The following BEND2 variants were observed in gnomAD, a reference collection of about 807,000 sequenced individuals.
The protein encoded by BEND2 is BEN domain containing 2.
A neutral mutation model predicts 43.8 loss-of-function variants in BEND2; 19 were observed. The ratio of observed to expected loss-of-function variants is 0.43; its 90% CI spans 0.30 to 0.64. The LOEUF (loss-of-function observed/expected upper bound fraction) is 0.64, where lower values mean the gene tolerates loss of function less well. Ranked by LOEUF, BEND2 falls within the 30% of genes least tolerant of loss-of-function variation. The pLI, the probability that BEND2 is intolerant of heterozygous loss-of-function variation, is 0.11. For synonymous variants in BEND2, 226 were observed against 210.1 expected (o/e 1.08, Z -0.66); for missense variants, 544 against 574.0 (o/e 0.95, Z 0.53).
chrX:18,176,197 A>C, intron 10 of BEND2, 104 bp from the exon 11 acceptor site: 1 of 669,206 alleles, frequency 1.5e-6, no homozygotes. Context: ...TACATTGTGT[A>C]ATGGTGAGCA....
At chrX:18,198,294 A>T (rs1454769524) in intron 6 of BEND2, among the ~76,000 whole-genome samples, 1 of 110,195 alleles carries the variant, frequency 9.1e-6, no homozygotes, top group African/African-American at 3.3e-5. Context: ...AATTTTCGCA[A>T]CCTACTCATC....
intron 6 of BEND2, among the ~76,000 whole-genome samples, chrX:18,201,350 C>T (rs1158131084): frequency 1.2e-5 from 1 of 80,529 alleles, no homozygotes; most frequent in Non-Finnish European, 2.3e-5. Flanking sequence ...GAGCCGAGAT[C>T]GCACCATTGT....
intron 12 of BEND2, among the ~76,000 whole-genome samples, chrX:18,172,110 AATT>A (rs1923994926): frequency 1.8e-5 from 2 of 110,987 alleles, no homozygotes; most frequent in Admixed American, 1.9e-4. Flanking sequence ...TACATATAAT[AATT>A]ATTTGTTAAA....
At chrX:18,195,564 A>G (rs770136843) in intron 6 of BEND2, 122 bp from the exon 7 acceptor site, 7 of 675,178 alleles carry the variant, frequency 1.0e-5, no homozygotes, top group Non-Finnish European at 1.5e-5. Context: ...TCCCTAGCCG[A>G]CTTATCCATA....
intron 13 of BEND2, among the ~76,000 whole-genome samples, chrX:18,170,719 GT>G (rs971760695): frequency 3.6e-5 from 4 of 112,215 alleles, no homozygotes; most frequent in African/African-American, 1.3e-4. Context: ...GGTGTTTTGA[GT>G]TTCCATACCC....
At position 18,163,752 on chromosome X, in the gene BEND2, ACTTTT is replaced by A. The variant is rs1015132128; in HGVS notation, c.*1252_*1256del. ...TTCTTCTTGCCTAGGGTCGAACTGTACTTTTCTTTTAAAAAAATTTTATTTTTAAT... is the reference window on the plus strand; with the variant it reads ...TTCTTCTTGCCTAGGGTCGAACTGTACTTTTAAAAAAATTTTATTTTTAAT... On this transcript the variant is annotated 3_prime_UTR_variant, in exon 14 of 14. Transcript: ENST00000380033. The A allele has an allele frequency of 1.8e-4, 20 of 112,268 alleles. No individual in the cohort carries two copies. Among genetic ancestry groups the A allele is most frequent in the African/African-American group, 6.5e-4 (20 of 30,937 alleles). 9.3% of individuals were successfully genotyped at this position (112,268 alleles called of 1,213,427 possible). A position where few individuals can be genotyped will look rare whatever the true frequency, so the allele number is the denominator to read the frequency against.
At chrX:18,220,607 C>T in intron 1 of BEND2, 119 bp downstream of exon 1, 1 of 1,035,227 alleles carries the variant, frequency 9.7e-7, no homozygotes. Flanking sequence ...CCGACACGCC[C>T]CGGTCAATGA....
At chrX:18,190,036 C>T (rs185158296) in intron 8 of BEND2, among the ~76,000 whole-genome samples, 14 of 101,232 alleles carry the variant, frequency 1.4e-4, no homozygotes, top group African/African-American at 3.4e-4. Context: ...GGTGACAGAC[C>T]GAGACTCTAT....
Position 18,176,368 on chromosome X carries a change from C to A in BEND2, c.1631-275G>T, listed in dbSNP as rs866978122. On this transcript the variant is annotated intron_variant, in intron 10 of 13. Transcript: ENST00000380033. ...AAGCTAATATTGAGCTCTTGGTGCT[C>A]AAAAAAAAAAAAAAAAAAAAAGTGT... 7.4e-3 allele frequency among the ~76,000 whole-genome samples: 428 copies of A among 57,706 alleles called. No individual in the cohort carries two copies. Among genetic ancestry groups the A allele is most frequent in the Admixed American group, 0.013 (51 of 4,026 alleles). The allele number at this position is 57,706 out of a possible 115,157, so 50.1% of individuals were successfully genotyped here.
Position 18,191,157 on chromosome X carries a change from G to T in BEND2, c.1181-49C>A, listed in dbSNP as rs769966658. 9.4e-6 allele frequency: 9 copies of T among 954,182 alleles called. No individual in the cohort carries two copies. In the South Asian group the frequency reaches 2.2e-4, roughly 23 times the overall value. 78.6% of individuals were successfully genotyped at this position (954,182 alleles called of 1,213,427 possible). ...TGTAAAACATTTTGCAGTGCTGAAA[G>T]ACAAGAAATCTCAACCATGTTTTTT... On this transcript the variant is annotated intron_variant, in intron 7 of 13. Transcript: ENST00000380033.
intron 8 of BEND2, among the ~76,000 whole-genome samples, chrX:18,188,244 G>T (rs1924637092): frequency 9.0e-6 from 1 of 110,714 alleles, no homozygotes; most frequent in African/African-American, 3.3e-5. Context: ...TGAAAGAAAA[G>T]GTTGCTTTTC....
Position 18,189,894 on chromosome X carries a change from C to A in BEND2, c.1288+1107G>T, listed in dbSNP as rs759976315. On this transcript the variant is annotated intron_variant, in intron 8 of 13. Transcript: ENST00000380033. ...AAACCCAGTCTCTACTAAAAAAATA[C>A]AAAAAATTAGCCGAGCATGGTGGCA... Among the ~76,000 whole-genome samples, 92 of 109,740 alleles carry A rather than the reference C, an allele frequency of 8.4e-4. No homozygotes were observed. The Middle Eastern group carries it at 0.019, about 22-fold the overall frequency.
intron 7 of BEND2, among the ~76,000 whole-genome samples, chrX:18,193,294 G>C (rs1481280782): frequency 9.1e-6 from 1 of 109,614 alleles, no homozygotes; most frequent in African/African-American, 3.3e-5. Context: ...CTCCAGCCTG[G>C]GCGACAGACA....
chrX:18,212,759 T>G (rs1029227540), intron 3 of BEND2, 79 bp from the exon 4 acceptor site: 6 of 629,456 alleles, frequency 9.5e-6, no homozygotes, highest in Admixed American at 9.0e-5. Context: ...CTCAGAATGC[T>G]AACTCAAATT....
At chrX:18,176,126 GA>G (rs746626350) in intron 10 of BEND2, 33 bp from the exon 11 acceptor site, 37 of 1,147,706 alleles carry the variant, frequency 3.2e-5, no homozygotes, top group Middle Eastern at 2.5e-4. Context: ...ACGAAAATTA[GA>G]AAAAAAAATT....
intron 4 of BEND2, among the ~76,000 whole-genome samples, chrX:18,208,432 G>A (rs1473666574): frequency 9.0e-6 from 1 of 110,962 alleles, no homozygotes; most frequent in East Asian, 2.8e-4. Flanking sequence ...GTTGCAGTGA[G>A]CCAAGATTGC....
At chrX:18,178,356 A>G (rs193218172) in intron 9 of BEND2, among the ~76,000 whole-genome samples, 30 of 111,291 alleles carry the variant, frequency 2.7e-4, no homozygotes, top group African/African-American at 9.1e-4. Flanking sequence ...CCACCCCATT[A>G]TTTCCAAATA....
At chrX:18,201,469 G>A (rs950606390) in intron 6 of BEND2, among the ~76,000 whole-genome samples, 5 of 99,485 alleles carry the variant, frequency 5.0e-5, no homozygotes, top group Non-Finnish European at 8.0e-5. Flanking sequence ...TTTGCAATAT[G>A]TATCATTTCT....
At chrX:18,173,229 C>T (rs1924030242) in intron 12 of BEND2, among the ~76,000 whole-genome samples, 1 of 111,043 alleles carries the variant, frequency 9.0e-6, no homozygotes, top group African/African-American at 3.3e-5. Flanking sequence ...CTCCTGCCTG[C>T]CTGACGCTCG....
Sources: gnomAD v4.1 joint callset for allele counts (sites outside exome capture counted in the v4.1 genomes callset) on GRCh38, gnomAD v4.1.1 for gene constraint, MANE v1.5 for transcripts, NCBI Gene and HGNC (gene_info 2026-07-23, HGNC 2026-07-21) for gene names.